The following NF1 variants were observed in gnomAD, a reference collection of about 807,000 sequenced individuals.
NF1 encodes neurofibromin 1.
A neutral mutation model predicts 325.7 loss-of-function variants in NF1; 122 were observed. The ratio of observed to expected loss-of-function variants is 0.37; its 90% CI spans 0.32 to 0.44. The LOEUF is 0.44. Ranked by LOEUF, NF1 falls within the 20% of genes least tolerant of loss-of-function variation. The pLI, the probability that NF1 is intolerant of heterozygous loss-of-function variation, is 1.00. For synonymous variants in NF1, 1,091 were observed against 1,186.0 expected, an observed-to-expected ratio of 0.92 and a Z score of 1.65; for missense variants, 2,140 against 3,415.4, an observed-to-expected ratio of 0.63 and a Z score of 9.31.
chr17:31,255,616 A>T (rs2067570545), intron 31 of NF1, among the ~76,000 whole-genome samples: 1 of 152,156 alleles, frequency 6.6e-6, no homozygotes, highest in Admixed American at 6.5e-5. Context: ...ATTTTTAAAG[A>T]TGTGGAAGAT....
chr17:31,358,164 T>G (rs1372596946), intron 54 of NF1: 1 of 411,480 alleles, frequency 2.4e-6, no homozygotes, highest in African/African-American at 2.0e-5. Context: ...ACATGCTAAG[T>G]AGCAGACAGA....
intron 8 of NF1, among the ~76,000 whole-genome samples, chr17:31,186,372 C>CCTTTCTAGGA (rs1231009371): frequency 2.6e-5 from 4 of 152,168 alleles, no homozygotes; most frequent in Non-Finnish European, 5.9e-5. Flanking sequence ...CACTACAGCC[C>CCTTTCTAGGA]CTTTCTAGGA....
chr17:31,356,931 G>A (rs753776602), intron 52 of NF1, 29 bp from the exon 53 acceptor site: 9 of 1,613,008 alleles, frequency 5.6e-6, no homozygotes, highest in East Asian at 2.2e-5. Context: ...CCAGGTGTTT[G>A]ATCACGTTAA....
intron 4 of NF1, among the ~76,000 whole-genome samples, chr17:31,165,275 C>T (rs569163425): frequency 6.6e-6 from 1 of 152,212 alleles, no homozygotes; most frequent in East Asian, 1.9e-4. Flanking sequence ...GAATAGAAAC[C>T]AAGTGTCTAA....
rs1222039512 is a variant in NF1, at chr17:31,332,588, T to A, written c.5812+2090T>A. 2.3e-4 allele frequency among the ~76,000 whole-genome samples: 23 copies of A among 101,078 alleles called. 1 individual carries two copies. The highest frequency in any genetic ancestry group is 5.9e-4 in the African/African-American group (21 of 35,348). The allele number at this position is 101,078 out of a possible 152,430, so 66.3% of individuals were successfully genotyped here. On this transcript the variant is annotated intron_variant, in intron 39 of 57. Coordinates refer to ENST00000358273, the MANE Select transcript of NF1 (RefSeq NM_001042492.3). ...TACAGATCATGGTTTTTTTTTTTTT[T>A]TTATTATACTCTAAGTTTTAGGGTA...
chr17:31,164,055 T>C (rs1446843017), intron 4 of NF1, among the ~76,000 whole-genome samples: 1 of 152,212 alleles, frequency 6.6e-6, no homozygotes, highest in Non-Finnish European at 1.5e-5. Flanking sequence ...ACAGTAACCT[T>C]GATGATACTT....
intron 36 of NF1, chr17:31,278,081 A>C (rs1387416523): frequency 6.6e-6 from 1 of 152,174 alleles, no homozygotes; most frequent in Non-Finnish European, 1.5e-5. Flanking sequence ...TGAGCTATGG[A>C]TACCCTAACC....
At chr17:31,159,140 G>C (rs2143647467) in intron 3 of NF1, 47 bp downstream of exon 3, 1 of 1,257,954 alleles carries the variant, frequency 7.9e-7, no homozygotes, top group African/African-American at 1.5e-5. Context: ...ATTTGATCTT[G>C]AGAATGATCT....
chr17:31,118,395 A>C (rs1247066779), intron 1 of NF1, among the ~76,000 whole-genome samples: 1 of 151,948 alleles, frequency 6.6e-6, no homozygotes, highest in Non-Finnish European at 1.5e-5. Flanking sequence ...GCACCCATCA[A>C]CCTGTCGTCT....
In NF1 at chr17:31,254,105, ATT is replaced by A. The variant is rs762857052; in HGVS notation, c.4173+1119_4173+1120del. On this transcript the variant is annotated intron_variant, in intron 31 of 57. Transcript: ENST00000358273. ...ACATAGCGAGTCGTCTCTACAAATA[ATT>A]TTTTTTTTTTTTTAATTAGCCAGGC... is the stretch of plus-strand genomic sequence containing the variant. 513 of 142,462 alleles carry A rather than the reference ATT, an allele frequency of 3.6e-3. 2 individuals are homozygous for A. The highest frequency in any genetic ancestry group is 0.012 in the African/African-American group (468 of 39,062). 8.8% of individuals were successfully genotyped at this position (142,462 alleles called of 1,614,324 possible).
chr17:31,178,674 CA>C (rs59787109), intron 5 of NF1, among the ~76,000 whole-genome samples: 4,062 of 152,096 alleles, frequency 0.027, 203 homozygotes, highest in African/African-American at 0.093. Flanking sequence ...GAAGATTTAC[CA>C]AGCAAATGGA....
chr17:31,295,252 T>C (rs776637800), intron 36 of NF1: 2 of 1,614,090 alleles, frequency 1.2e-6, no homozygotes, highest in African/African-American at 1.3e-5. Flanking sequence ...TTGTGACCAT[T>C]CCATCTTGGA....
chr17:31,283,086 A>C (rs1283492980), intron 36 of NF1, among the ~76,000 whole-genome samples: 1 of 152,192 alleles, frequency 6.6e-6, no homozygotes, highest in Non-Finnish European at 1.5e-5. Context: ...CTGGATATAC[A>C]GAGAATCTAG....
At chr17:31,275,518 A>C (rs2067989551) in intron 36 of NF1, among the ~76,000 whole-genome samples, 1 of 152,216 alleles carries the variant, frequency 6.6e-6, no homozygotes, top group Non-Finnish European at 1.5e-5. Flanking sequence ...TACTGTGCCT[A>C]ATTTATAATT....
At chr17:31,337,953 A>T in intron 44 of NF1, 72 bp from the exon 45 acceptor site, 1 of 1,532,560 alleles carries the variant, frequency 6.5e-7, no homozygotes, top group South Asian at 1.1e-5. Flanking sequence ...TGTATGATCA[A>T]TGTTATAATT....
At chr17:31,126,366 A>T (rs1914890339) in intron 1 of NF1, among the ~76,000 whole-genome samples, 1 of 151,888 alleles carries the variant, frequency 6.6e-6, no homozygotes, top group South Asian at 2.1e-4. Context: ...AAGTGTCTGT[A>T]TATACTTTTT....
rs1001320678 is a variant in NF1 at position 31,105,806 on chromosome 17, G to T, written c.60+10437G>T. On this transcript the variant is annotated intron_variant, in intron 1 of 57. Transcript: ENST00000358273. Reference sequence around the variant, plus strand: ...TGGGATTACAGGCATGAGCCACCGTGCCCGGCTGAGAACTTAACTTTTTCT... The same window carrying T: ...TGGGATTACAGGCATGAGCCACCGTTCCCGGCTGAGAACTTAACTTTTTCT... 3.3e-5 allele frequency among the ~76,000 whole-genome samples: 5 copies of T among 152,158 alleles called. 1 individual carries two copies. Among genetic ancestry groups the T allele is most frequent in the African/African-American group, 1.2e-4 (5 of 41,432 alleles).
chr17:31,377,514 A>G lies in NF1; in HGVS notation c.*3359A>G. On this transcript the variant is annotated 3_prime_UTR_variant, in exon 58 of 58. Transcript: ENST00000358273. ...TTAATACTGTAAACAGTTGTACGCCAGCAGGAAAAATACTGCCCAACAGAC... is the reference window on the plus strand; with the variant it reads ...TTAATACTGTAAACAGTTGTACGCCGGCAGGAAAAATACTGCCCAACAGAC... 4.3e-6 allele frequency: 1 copy of G among 233,040 alleles called. No individual in the cohort carries two copies. The highest frequency in any genetic ancestry group is 6.1e-5 in the East Asian group (1 of 16,466). 14.4% of individuals were successfully genotyped at this position (233,040 alleles called of 1,614,324 possible). A position where few individuals can be genotyped will look rare whatever the true frequency, so the allele number is the denominator to read the frequency against.
At chr17:31,300,738 T>C (rs1336256515) in intron 36 of NF1, among the ~76,000 whole-genome samples, 2 of 152,138 alleles carry the variant, frequency 1.3e-5, no homozygotes, top group Admixed American at 6.5e-5. Flanking sequence ...TTCCTCTCCA[T>C]TGATTATACC....
Sources: gnomAD v4.1 joint callset for allele counts (sites outside exome capture counted in the v4.1 genomes callset) on GRCh38, gnomAD v4.1.1 for gene constraint, MANE v1.5 for transcripts, NCBI Gene and HGNC (gene_info 2026-07-23, HGNC 2026-07-21) for gene names.